Variants in STK10 observed in about 807,000 individuals in gnomAD.
STK10 encodes the protein serine/threonine-protein kinase 10.
STK10 carries 78 observed loss-of-function variants against 113.8 expected under a neutral mutation model. The ratio of observed to expected loss-of-function variants is 0.69; its 90% CI spans 0.57 to 0.83. The LOEUF (loss-of-function observed/expected upper bound fraction) is 0.83, where lower values mean the gene tolerates loss of function less well. Ranked by LOEUF, STK10 falls within the 40% of genes least tolerant of loss-of-function variation. The probability of loss-of-function intolerance (pLI) is 0.00; values close to 1 mark genes in which losing one functional copy is unlikely to be tolerated. For synonymous variants in STK10, 465 were observed against 494.7 expected (o/e 0.94, Z 0.80); for missense variants, 1,109 against 1,280.1 (o/e 0.87, Z 2.04).
chr5:172,172,472 C>T (rs1770678853), intron 1 of STK10, among the ~76,000 whole-genome samples: 1 of 152,218 alleles, frequency 6.6e-6, no homozygotes, highest in Admixed American at 6.5e-5. Flanking sequence ...GGGCTTGGGT[C>T]AGTTCTGCCA....
At chr5:172,143,654 C>A (rs1010352797) in intron 2 of STK10, among the ~76,000 whole-genome samples, 8 of 152,230 alleles carry the variant, frequency 5.3e-5, no homozygotes, top group Non-Finnish European at 5.9e-5. Context: ...CTGCTCTGAG[C>A]CTCCGCTGTT....
intron 7 of STK10, among the ~76,000 whole-genome samples, chr5:172,105,329 T>C (rs3103589): frequency 0.1 from 15,158 of 152,052 alleles, 865 homozygotes; most frequent in East Asian, 0.13. Context: ...AGACAACAGC[T>C]GATCCCAGGC....
In STK10 at chr5:172,064,702, C is replaced by A. The variant is rs1262471711; in HGVS notation, c.2082+18G>T. 1 of 1,613,564 alleles carries A rather than the reference C, an allele frequency of 6.2e-7. No individual in the cohort carries two copies. Among genetic ancestry groups the A allele is most frequent in the Non-Finnish European group, 8.5e-7 (1 of 1,179,656 alleles). ...TCGCACCAGCCCCTGCGCTCCCCAG[C>A]TGAGGCCAGGGACTCACAAGAAGCT... On this transcript the variant is annotated intron_variant, in intron 13 of 18. Coordinates refer to ENST00000176763, the MANE Select transcript of STK10 (RefSeq NM_005990.4).
intron 7 of STK10, among the ~76,000 whole-genome samples, chr5:172,104,389 C>T (rs1345159012): frequency 3.3e-5 from 5 of 151,760 alleles, no homozygotes; most frequent in African/African-American, 7.2e-5. Context: ...GACGCCCTAA[C>T]TCGAGGCATG....
chr5:172,106,511 A>C (rs1769113985), intron 6 of STK10, 109 bp downstream of exon 6: 1 of 1,229,156 alleles, frequency 8.1e-7, no homozygotes. Flanking sequence ...TGGAGCTAGC[A>C]GCACCAGGAG....
chr5:172,107,574 G>A (rs1769143939), intron 5 of STK10, among the ~76,000 whole-genome samples: 1 of 152,192 alleles, frequency 6.6e-6, no homozygotes, highest in Non-Finnish European at 1.5e-5. Flanking sequence ...TTATTAAGTA[G>A]GGGCCATTAT....
At chr5:172,107,982 A>T in intron 4 of STK10, 130 bp from the exon 5 acceptor site, 1 of 720,764 alleles carries the variant, frequency 1.4e-6, no homozygotes, top group Non-Finnish European at 2.4e-6. Flanking sequence ...ATTAGAAAGC[A>T]TTAAAAATGT....
chr5:172,112,201 T>C (rs1171128937), intron 4 of STK10, among the ~76,000 whole-genome samples: 2 of 152,234 alleles, frequency 1.3e-5, no homozygotes, highest in Non-Finnish European at 2.9e-5. Context: ...ATGAGTCTTA[T>C]AAAATGTGTA....
At position 172,136,922 on chromosome 5, in the gene STK10, C is replaced by T. The variant is rs189635646; in HGVS notation, c.322-9501G>A. Among the ~76,000 whole-genome samples the T allele has an allele frequency of 3.4e-3, 513 of 151,960 alleles. 3 individuals carry two copies. Among genetic ancestry groups the T allele is most frequent in the Middle Eastern group, 6.8e-3 (2 of 294 alleles). ...ACACATGCCATGATGGTTTGCTGCA[C>T]CCATCAACCCATCATCTACATTAAA... On this transcript the variant is annotated intron_variant, in intron 2 of 18. Coordinates refer to ENST00000176763, the MANE Select transcript of STK10 (RefSeq NM_005990.4).
chr5:172,081,351 CA>C (rs58173076), intron 12 of STK10, among the ~76,000 whole-genome samples: 15,628 of 68,656 alleles, frequency 0.23, 530 homozygotes, highest in African/African-American at 0.26. Flanking sequence ...ACTCCATCTC[CA>C]AAAAAAAAAA....
chr5:172,185,004 G>A (rs1457267432), intron 1 of STK10, among the ~76,000 whole-genome samples: 1 of 152,050 alleles, frequency 6.6e-6, no homozygotes, highest in Non-Finnish European at 1.5e-5. Context: ...GTGCTTTGGA[G>A]AACCAAGAGG....
intron 3 of STK10, among the ~76,000 whole-genome samples, chr5:172,121,460 C>T (rs1490390721): frequency 1.3e-5 from 2 of 152,136 alleles, no homozygotes; most frequent in East Asian, 1.9e-4. Context: ...CCACCTCAGC[C>T]TCCTGAGTAG....
At position 172,071,285 on chromosome 5, in the gene STK10, T is replaced by TAAA. The variant is rs113372968; in HGVS notation, c.1990-6476_1990-6474dup. ...GAAGGCCATGTAACAATGAAAAGTT[T>TAAA]AAAAAAAAAAAAAAGAAGAAGAAAT... On this transcript the variant is annotated intron_variant, in intron 12 of 18. Coordinates refer to ENST00000176763, the MANE Select transcript of STK10 (RefSeq NM_005990.4). Among the ~76,000 whole-genome samples, 232 of 40,528 alleles carry TAAA rather than the reference T, an allele frequency of 5.7e-3. 3 individuals carry two copies. Among genetic ancestry groups the TAAA allele is most frequent in the African/African-American group, 0.02 (226 of 11,586 alleles). 26.6% of individuals were successfully genotyped at this position (40,528 alleles called of 152,430 possible).
At position 172,096,433 on chromosome 5, in the gene STK10, G is replaced by T; in HGVS notation, c.998C>A (p.Ala333Asp). ...CACTCTCCCTGGCCTTACGGAGGCG[G>T]CATCCACGGCGTCCTCCTCTTCCCC... ...DEGEEEDAVD[A>D]ASTLENHTQN... Residue 333 changes from alanine to aspartate, a missense_variant, in exon 8 of 19, where the codon GCC (alanine) becomes GAC (aspartate). By Grantham distance (126) the Ala-to-Asp change is moderately radical. Around this residue, in one of 5 missense-constraint regions of STK10, gnomAD observed 885 missense variants for 991.1 expected, o/e 0.89. Transcript: ENST00000176763. 6.2e-7 allele frequency: 1 copy of T among 1,612,232 alleles called. No individual in the cohort carries two copies. The highest frequency in any genetic ancestry group is 8.5e-7 in the Non-Finnish European group (1 of 1,179,928).
intron 14 of STK10, among the ~76,000 whole-genome samples, chr5:172,060,414 A>G (rs1767906678): frequency 1.3e-5 from 2 of 152,086 alleles, no homozygotes; most frequent in Admixed American, 1.3e-4. Flanking sequence ...CTCAATAAAT[A>G]AATAAATAAA....
chr5:172,047,402 G>A (rs1320753766), intron 18 of STK10, among the ~76,000 whole-genome samples: 1 of 152,188 alleles, frequency 6.6e-6, no homozygotes, highest in African/African-American at 2.4e-5. Context: ...CAAGGGTATA[G>A]AACCCCCAGG....
chr5:172,184,816 CT>C (rs1227606408), intron 1 of STK10, among the ~76,000 whole-genome samples: 1 of 152,028 alleles, frequency 6.6e-6, no homozygotes, highest in African/African-American at 2.4e-5. Flanking sequence ...CCACACCCGG[CT>C]AATTTTTTTA....
In STK10 at chr5:172,064,077, A is replaced by T. The variant is rs1300154947; in HGVS notation, c.2082+643T>A. 3.3e-5 allele frequency among the ~76,000 whole-genome samples: 5 copies of T among 152,122 alleles called. No individual in the cohort carries two copies. The East Asian group carries it at 9.6e-4, about 29-fold the overall frequency. On this transcript the variant is annotated intron_variant, in intron 13 of 18. Coordinates refer to ENST00000176763, the MANE Select transcript of STK10 (RefSeq NM_005990.4). The stretch of plus-strand genomic sequence containing the variant: ...GAAGGGTGCTATTATCAGACTTGGA[A>T]TTCACATTGATCACACGCAGGCAGG...
chr5:172,079,555 T>TTATG (rs750121896), intron 12 of STK10, among the ~76,000 whole-genome samples: 1 of 141,440 alleles, frequency 7.1e-6, no homozygotes, highest in Non-Finnish European at 1.5e-5. Flanking sequence ...ATATATTTAT[T>TTATG]TATTTATTTA....
Sources: gnomAD v4.1 joint callset for allele counts (sites outside exome capture counted in the v4.1 genomes callset) on GRCh38, gnomAD v4.1.1 for gene constraint, gnomAD v4.1.1 regional missense constraint, MANE v1.5 for transcripts, NCBI Gene and HGNC (gene_info 2026-07-23, HGNC 2026-07-21) for gene names.